The following COL18A1 variants were observed in gnomAD, a reference collection of about 807,000 sequenced individuals.
The protein encoded by COL18A1 is collagen type XVIII alpha 1 chain.
Under a neutral mutation model 168.0 loss-of-function variants are expected in COL18A1, and 133 were observed. The observed-to-expected ratio is 0.79, with a 90% confidence interval of 0.69 to 0.91. The LOEUF is 0.91. Among genes scored for constraint, COL18A1 ranks in the 40% least tolerant of loss-of-function variants. The pLI is 0.00. For synonymous variants in COL18A1, 949 were observed against 809.0 expected, an observed-to-expected ratio of 1.17 and a Z score of -2.94; for missense variants, 2,126 against 1,925.4, an observed-to-expected ratio of 1.10 and a Z score of -1.95.
rs367549674 is a variant in COL18A1 at position 45,505,202 on chromosome 21, C to G, written c.2937C>G (p.Gly979=). 1.5e-5 allele frequency: 24 copies of G among 1,603,452 alleles called. No homozygotes were observed. The African/African-American group carries it at 2.8e-4, about 19-fold the overall frequency. The part of the protein sequence containing the change: ...PPGPQGPPGI[G]YEGRQGPPGP... The stretch of plus-strand genomic sequence containing the variant: ...GACCTCAGGGACCCCCCGGCATCGG[C>G]TACGAGGGGCGCCAGGGCCCTCCCG... The change falls in exon 35 of 42, where the codon GGC becomes GGG. Residue 979 remains glycine, a synonymous_variant. Coordinates refer to ENST00000651438, the MANE Select transcript of COL18A1 (RefSeq NM_001379500.1).
intron 25 of COL18A1, 48 bp from the exon 26 acceptor site, chr21:45,493,453 G>C (rs1482839350): frequency 1.3e-6 from 2 of 1,501,246 alleles, no homozygotes; most frequent in South Asian, 2.4e-5. Flanking sequence ...GTGAGGCTTT[G>C]TGGGGAAGGA....
intron 14 of COL18A1, chr21:45,482,469 G>A (rs990518428): frequency 2.9e-5 from 16 of 556,426 alleles, no homozygotes; most frequent in African/African-American, 1.3e-4. Context: ...AGCAGGGGAC[G>A]CGGGCTGTAA....
At chr21:45,500,901 TGGG>T (rs1302350056) in intron 32 of COL18A1, among the ~76,000 whole-genome samples, 3 of 21,650 alleles carry the variant, frequency 1.4e-4, no homozygotes, top group Non-Finnish European at 2.8e-4. Context: ...GTGTGTAGTG[TGGG>T]GGTGTGTTTT....
chr21:45,479,265 CGTG>C (rs2035797885), intron 9 of COL18A1, among the ~76,000 whole-genome samples: 1 of 151,950 alleles, frequency 6.6e-6, no homozygotes, highest in African/African-American at 2.4e-5. Flanking sequence ...ACACACCACA[CGTG>C]GACACATGCA....
At chr21:45,503,753 T>G (rs532535363) in intron 32 of COL18A1, among the ~76,000 whole-genome samples, 1 of 151,814 alleles carries the variant, frequency 6.6e-6, no homozygotes, top group South Asian at 2.1e-4. Context: ...AACCTGCACA[T>G]CATGCACATG....
intron 15 of COL18A1, among the ~76,000 whole-genome samples, chr21:45,485,283 G>A (rs1317107036): frequency 1.3e-5 from 2 of 149,634 alleles, no homozygotes; most frequent in African/African-American, 4.9e-5. Flanking sequence ...TTACAGGCGT[G>A]AGCCACCACA....
At chr21:45,442,245 G>T (rs1479704888) in intron 2 of COL18A1, among the ~76,000 whole-genome samples, 5 of 152,218 alleles carry the variant, frequency 3.3e-5, no homozygotes, top group Non-Finnish European at 4.4e-5. Flanking sequence ...AACCCTGCCC[G>T]TTCTGTGCCC....
chr21:45,437,728 GCA>G (rs199799680), intron 2 of COL18A1, among the ~76,000 whole-genome samples: 640 of 36,782 alleles, frequency 0.017, 69 homozygotes, highest in Middle Eastern at 0.037. Context: ...GCACTCTCCT[GCA>G]CACACACACT....
rs188852688 is a variant in COL18A1 at position 45,405,352 on chromosome 21, G to T, written c.12-27G>T. 3,930 of 1,181,944 alleles carry T rather than the reference G, an allele frequency of 3.3e-3. 126 individuals carry two copies. In the African/African-American group the frequency reaches 0.058, roughly 17 times the overall value. 73.2% of individuals were successfully genotyped at this position (1,181,944 alleles called of 1,614,324 possible). On this transcript the variant is annotated intron_variant, in intron 1 of 41. Coordinates refer to ENST00000651438, the MANE Select transcript of COL18A1 (RefSeq NM_001379500.1). The stretch of plus-strand genomic sequence containing the variant: ...TGCGGGGGTCGCGGGGGTCCTGCGG[G>T]GTCTGACCCGTGCCTGTCCCGCGCA...
At chr21:45,477,322 T>A (rs1188170453) in intron 6 of COL18A1, 89 bp from the exon 7 acceptor site, 2 of 1,042,810 alleles carry the variant, frequency 1.9e-6, no homozygotes, top group African/African-American at 3.2e-5. Context: ...CTGAAAGCGT[T>A]TGGGCTGCCG....
rs149977541 is a variant in COL18A1, at chr21:45,459,592, C to T, written c.107-8650C>T. On this transcript the variant is annotated intron_variant, in intron 2 of 41. Coordinates refer to ENST00000651438, the MANE Select transcript of COL18A1 (RefSeq NM_001379500.1). ...GGGGGACAGTGCAGCCGTGCTGGGGCGTGGGGGGCGCTCAAAGGGAGGGTG... is the reference window on the plus strand; with the variant it reads ...GGGGGACAGTGCAGCCGTGCTGGGGTGTGGGGGGCGCTCAAAGGGAGGGTG... 7.1e-3 allele frequency among the ~76,000 whole-genome samples: 1,078 copies of T among 152,334 alleles called. 4 individuals are homozygous for T. Among genetic ancestry groups the T allele is most frequent in the South Asian group, 0.013 (65 of 4,832 alleles).
At chr21:45,405,942 G>T (rs917348899) in intron 2 of COL18A1, among the ~76,000 whole-genome samples, 13 of 152,066 alleles carry the variant, frequency 8.5e-5, no homozygotes, top group African/African-American at 2.9e-4. Context: ...GGCCTTGTGC[G>T]CCTCTGTCCC....
chr21:45,496,775 T>C (rs1301288217), intron 30 of COL18A1, among the ~76,000 whole-genome samples: 2 of 152,232 alleles, frequency 1.3e-5, no homozygotes, highest in East Asian at 1.9e-4. Context: ...GTGGAGCTGC[T>C]TCCAGCTGGC....
At chr21:45,431,809 G>A (rs1348219089) in intron 2 of COL18A1, among the ~76,000 whole-genome samples, 2 of 152,158 alleles carry the variant, frequency 1.3e-5, no homozygotes, top group African/African-American at 2.4e-5. Flanking sequence ...GCGCATTGGT[G>A]GGGGCAGCAG....
chr21:45,509,474 C>T lies in COL18A1; in HGVS notation c.3368C>T (p.Ala1123Val). The change falls in exon 39 of 42, where the codon GCC becomes GTC. Residue 1123 changes from alanine (A) to valine (V), a missense_variant. Coordinates refer to ENST00000651438, the MANE Select transcript of COL18A1 (RefSeq NM_001379500.1). ...ARPWRADDIL[A>V]SPPRLPEPQP... is the part of the protein sequence containing the mutation. The stretch of plus-strand genomic sequence containing the variant: ...CCCTGGCGGGCAGATGACATCCTGG[C>T]CAGCCCCCCTCGCCTGCCCGAGCCC... The T allele has an allele frequency of 6.5e-7, 1 of 1,528,188 alleles. No homozygotes were observed. The highest frequency in any genetic ancestry group is 8.8e-7 in the Non-Finnish European group (1 of 1,136,106). The allele number at this position is 1,528,188 out of a possible 1,614,324, so 94.7% of individuals were successfully genotyped here. A position where few individuals can be genotyped will look rare whatever the true frequency, so the allele number is the denominator to read the frequency against.
chr21:45,447,950 C>T (rs987558492), intron 2 of COL18A1, among the ~76,000 whole-genome samples: 1 of 152,148 alleles, frequency 6.6e-6, no homozygotes, highest in Non-Finnish European at 1.5e-5. Context: ...CTGCCAGCCT[C>T]CTCGGACTGG....
chr21:45,497,134 G>GCATCCCTTCA, intron 31 of COL18A1, 42 bp downstream of exon 31: 1 of 1,310,826 alleles, frequency 7.6e-7, no homozygotes, highest in Non-Finnish European at 1.1e-6. Flanking sequence ...AGGCTCTGAA[G>GCATCCCTTCA]GGATGCTCCA....
chr21:45,485,527 C>T lies in COL18A1; in HGVS notation c.1702-1334C>T, dbSNP rs149047669. On this transcript the variant is annotated intron_variant, in intron 15 of 41. Transcript: ENST00000651438. ...GAAAAAAAAATTAGATTTTTAAAGA[C>T]GATAAAAGGATGCCAGGCACTAAGA... Among the ~76,000 whole-genome samples the T allele has an allele frequency of 1.4e-3, 216 of 152,152 alleles. 1 individual carries two copies. Among genetic ancestry groups the T allele is most frequent in the African/African-American group, 5.0e-3 (209 of 41,526 alleles).
chr21:45,504,999 G>A (rs537708812), intron 34 of COL18A1, 135 bp from the exon 35 acceptor site: 49 of 1,123,346 alleles, frequency 4.4e-5, no homozygotes, highest in South Asian at 2.4e-4. Flanking sequence ...AGGCTATGGC[G>A]TGGGCAGGGA....
Sources: gnomAD v4.1 joint callset for allele counts (sites outside exome capture counted in the v4.1 genomes callset) on GRCh38, gnomAD v4.1.1 for gene constraint, MANE v1.5 for transcripts, NCBI Gene and HGNC (gene_info 2026-07-23, HGNC 2026-07-21) for gene names.